The following NEBL variants were observed in gnomAD, a reference collection of about 807,000 sequenced individuals.
NEBL encodes the protein nebulette.
Under a neutral mutation model 140.2 loss-of-function variants are expected in NEBL, and 122 were observed. The observed-to-expected ratio is 0.87, with a 90% CI of 0.75 to 1.01. NEBL has a LOEUF of 1.01. Ranked by LOEUF, NEBL falls within the 50% of genes least tolerant of loss-of-function variation. The probability of loss-of-function intolerance (pLI) is 0.00; values close to 1 mark genes in which losing one functional copy is unlikely to be tolerated. For synonymous variants in NEBL, 436 were observed against 398.9 expected (o/e 1.09, Z -1.11); for missense variants, 1,365 against 1,231.3 (o/e 1.11, Z -1.62).
intron 9 of NEBL, among the ~76,000 whole-genome samples, chr10:20,856,244 T>C (rs770981369): frequency 1.5e-4 from 23 of 152,246 alleles, no homozygotes; most frequent in Non-Finnish European, 2.8e-4. Context: ...TTTGCTGTGT[T>C]TTCTCTGTTG....
At chr10:21,204,429 C>T (rs1841793273) in intron 3 of NEBL, among the ~76,000 whole-genome samples, 1 of 152,144 alleles carries the variant, frequency 6.6e-6, no homozygotes, top group Admixed American at 6.5e-5. Flanking sequence ...ACCTTTCTCT[C>T]TCTCTCTTTC....
intron 2 of NEBL, among the ~76,000 whole-genome samples, chr10:21,049,974 A>G (rs896489245): frequency 1.3e-5 from 2 of 152,234 alleles, no homozygotes; most frequent in African/African-American, 4.8e-5. Context: ...TCCCCCAGGA[A>G]ACCAAAGTGA....
intron 3 of NEBL, among the ~76,000 whole-genome samples, chr10:21,213,960 G>A (rs961930708): frequency 7.2e-5 from 11 of 152,124 alleles, no homozygotes; most frequent in African/African-American, 1.9e-4. Context: ...TTTTATGTAA[G>A]TATCGGCTGG....
chr10:21,243,681 G>T (rs1378039217), intron 3 of NEBL, among the ~76,000 whole-genome samples: 1 of 152,126 alleles, frequency 6.6e-6, no homozygotes, highest in East Asian at 1.9e-4. Context: ...CTGTAAGAGG[G>T]AGGTGCCAAG....
chr10:21,216,486 T>C (rs1237325637), intron 3 of NEBL, among the ~76,000 whole-genome samples: 6 of 152,024 alleles, frequency 3.9e-5, no homozygotes, highest in African/African-American at 1.4e-4. Context: ...AAAACCCATC[T>C]CTTGGGCCAG....
chr10:20,818,757 T>G, intron 20 of NEBL: 3 of 977,782 alleles, frequency 3.1e-6, no homozygotes, highest in Non-Finnish European at 3.6e-6. Flanking sequence ...GGGTACTTAA[T>G]GAAGATCTCT....
chr10:20,877,849 C>T (rs1845656592), intron 5 of NEBL, among the ~76,000 whole-genome samples: 2 of 152,162 alleles, frequency 1.3e-5, no homozygotes, highest in South Asian at 4.1e-4. Context: ...CACTCTGCCA[C>T]GAGGCACAAG....
intron 4 of NEBL, among the ~76,000 whole-genome samples, chr10:20,885,002 T>G (rs1390280177): frequency 1.3e-5 from 2 of 152,264 alleles, no homozygotes; most frequent in Non-Finnish European, 2.9e-5. Flanking sequence ...AGTGTTCATC[T>G]AGCTAACTTT....
At chr10:21,163,412 G>A (rs184396054) in intron 2 of NEBL, among the ~76,000 whole-genome samples, 3 of 152,286 alleles carry the variant, frequency 2.0e-5, no homozygotes, top group East Asian at 1.9e-4. Context: ...TATAGGGCAC[G>A]TCTTTCTGCA....
chr10:21,260,047 C>G (rs1403107337), intron 1 of NEBL, among the ~76,000 whole-genome samples: 1 of 152,222 alleles, frequency 6.6e-6, no homozygotes, highest in Non-Finnish European at 1.5e-5. Context: ...TTGGATCCAA[C>G]CAACCCAGTC....
At chr10:20,924,741 T>G (rs1372819038) in intron 4 of NEBL, among the ~76,000 whole-genome samples, 2 of 152,118 alleles carry the variant, frequency 1.3e-5, no homozygotes, top group African/African-American at 4.8e-5. Context: ...TTTGGTTAAG[T>G]GTGCTCTCTG....
rs576656253 is a variant in NEBL at position 21,148,933 on chromosome 10, A to G, written c.164+23450T>C. Among the ~76,000 whole-genome samples the G allele has an allele frequency of 2.2e-4, 34 of 152,214 alleles. No homozygotes were observed. In the South Asian group the frequency reaches 7.0e-3, roughly 32 times the overall value. On this transcript the variant is annotated intron_variant, in intron 2 of 6. Coordinates refer to the NEBL transcript ENST00000417816. ...TCCATAAAGAAATTCTCTGATGTCCATTGTCTGACTGTGGGTCACAAGACC... is the reference window on the plus strand; with the variant it reads ...TCCATAAAGAAATTCTCTGATGTCCGTTGTCTGACTGTGGGTCACAAGACC...
chr10:20,937,823 C>T (rs1056160066), intron 4 of NEBL, among the ~76,000 whole-genome samples: 4 of 152,138 alleles, frequency 2.6e-5, no homozygotes, highest in Non-Finnish European at 5.9e-5. Flanking sequence ...GTCCTACACC[C>T]ATGGAGCCTC....
intron 2 of NEBL, among the ~76,000 whole-genome samples, chr10:21,071,057 A>G (rs1057497904): frequency 6.6e-6 from 1 of 151,706 alleles, no homozygotes; most frequent in African/African-American, 2.4e-5. Flanking sequence ...CCTGTAGCCC[A>G]GCTGCTTAGG....
chr10:20,880,029 T>C (rs181648614), intron 5 of NEBL, among the ~76,000 whole-genome samples: 1 of 152,304 alleles, frequency 6.6e-6, no homozygotes. Context: ...ATATTCCCCA[T>C]GGGTCTTAGG....
At chr10:21,145,971 A>G (rs1839872686) in intron 2 of NEBL, among the ~76,000 whole-genome samples, 1 of 152,160 alleles carries the variant, frequency 6.6e-6, no homozygotes, top group South Asian at 2.1e-4. Context: ...TCATTCAACA[A>G]CAGGTCACCA....
chr10:21,080,735 T>G (rs1048256781), intron 2 of NEBL, among the ~76,000 whole-genome samples: 2 of 152,224 alleles, frequency 1.3e-5, no homozygotes, highest in Non-Finnish European at 2.9e-5. Context: ...CCAACCTGTT[T>G]GAGTAAATGC....
intron 11 of NEBL, among the ~76,000 whole-genome samples, chr10:20,845,946 G>T (rs535799903): frequency 2.0e-5 from 3 of 152,280 alleles, no homozygotes; most frequent in South Asian, 2.1e-4. Flanking sequence ...TATGAATGAA[G>T]TTGTGCTGTG....
intron 16 of NEBL, among the ~76,000 whole-genome samples, chr10:20,830,130 G>A (rs1048998915): frequency 1.3e-5 from 2 of 152,128 alleles, no homozygotes; most frequent in African/African-American, 2.4e-5. Flanking sequence ...AGGCTGAGAG[G>A]CACACAAGTC....
Sources: gnomAD v4.1 joint callset for allele counts (sites outside exome capture counted in the v4.1 genomes callset) on GRCh38, gnomAD v4.1.1 for gene constraint, MANE v1.5 for transcripts, NCBI Gene and HGNC (gene_info 2026-07-23, HGNC 2026-07-21) for gene names.